IL1RAPL1: variants seen among roughly 807,000 people sequenced by gnomAD.
IL1RAPL1 encodes the protein interleukin 1 receptor accessory protein like 1, also known as interleukin-1 receptor accessory protein-like 1.
Under a neutral mutation model 48.4 loss-of-function variants are expected in IL1RAPL1, and 3 were observed. The observed-to-expected ratio is 0.06, with a 90% CI of 0.03 to 0.16. IL1RAPL1 has a LOEUF of 0.16. Among genes scored for constraint, IL1RAPL1 ranks in the 10% least tolerant of loss-of-function variants. IL1RAPL1 has a pLI of 1.00. For synonymous variants in IL1RAPL1, 185 were observed against 187.7 expected (o/e 0.99, Z 0.12); for missense variants, 349 against 530.6 (o/e 0.66, Z 3.36).
At chrX:29,602,032 G>A (rs1923736415) in intron 5 of IL1RAPL1, among the ~76,000 whole-genome samples, 1 of 111,682 alleles carries the variant, frequency 9.0e-6, no homozygotes, top group Middle Eastern at 4.6e-3. Flanking sequence ...TGCCCAGTCT[G>A]GAGTGCAGTG....
intron 2 of IL1RAPL1, among the ~76,000 whole-genome samples, chrX:29,269,450 A>T (rs943855861): frequency 2.7e-5 from 3 of 111,293 alleles, no homozygotes; most frequent in Non-Finnish European, 5.7e-5. Flanking sequence ...CACACCCATA[A>T]GCTGCACTCT....
chrX:29,953,139 T>C (rs1933349825), intron 9 of IL1RAPL1, among the ~76,000 whole-genome samples: 1 of 112,044 alleles, frequency 8.9e-6, no homozygotes, highest in Admixed American at 9.5e-5. Context: ...TTAAGTTCTA[T>C]GCTTAATGCA....
chrX:28,840,267 A>G (rs1017578985), intron 2 of IL1RAPL1, among the ~76,000 whole-genome samples: 1 of 111,383 alleles, frequency 9.0e-6, no homozygotes, highest in African/African-American at 3.2e-5. Context: ...TAGTACATGA[A>G]CAAAATCAGA....
At chrX:29,556,681 A>G (rs1922012917) in intron 5 of IL1RAPL1, among the ~76,000 whole-genome samples, 1 of 111,008 alleles carries the variant, frequency 9.0e-6, no homozygotes, top group African/African-American at 3.3e-5. Context: ...ATAGTTTAAG[A>G]TCAAAGTTGA....
chrX:29,303,758 GTCAA>G lies in IL1RAPL1; in HGVS notation c.362+20546_362+20549del, dbSNP rs749408231. ...TATTATTAATGAATGAGTAAATCTA[GTCAA>G]TCAAAGACCTTTCATTTTTCCCACA... On this transcript the variant is annotated intron_variant, in intron 3 of 10. Coordinates refer to ENST00000378993, the MANE Select transcript of IL1RAPL1 (RefSeq NM_014271.4). Among the ~76,000 whole-genome samples the G allele has an allele frequency of 7.1e-5, 8 of 111,898 alleles. No homozygotes were observed. The East Asian group carries it at 2.2e-3, about 31-fold the overall frequency.
At chrX:28,658,304 G>A (rs943184349) in intron 1 of IL1RAPL1, among the ~76,000 whole-genome samples, 4 of 110,312 alleles carry the variant, frequency 3.6e-5, no homozygotes, top group Admixed American at 9.7e-5. Context: ...TGCAACCTTC[G>A]CCTCCTGGGT....
chrX:29,094,771 CAAAAAAAAAAAA>C (rs1163805144), intron 2 of IL1RAPL1, among the ~76,000 whole-genome samples: 3 of 5,907 alleles, frequency 5.1e-4, no homozygotes, highest in Admixed American at 4.7e-3. Flanking sequence ...AACTCCATCT[CAAAAAAAAAAAA>C]AAAAAAAAAA....
At chrX:29,488,699 A>G (rs1384915812) in intron 5 of IL1RAPL1, among the ~76,000 whole-genome samples, 1 of 111,026 alleles carries the variant, frequency 9.0e-6, no homozygotes, top group East Asian at 2.8e-4. Context: ...GTGCATATAT[A>G]ACTATGAGAG....
intron 5 of IL1RAPL1, among the ~76,000 whole-genome samples, chrX:29,625,630 A>G (rs1924596150): frequency 8.9e-6 from 1 of 111,800 alleles, no homozygotes; most frequent in Admixed American, 9.5e-5. Flanking sequence ...TGTTGTTTTA[A>G]AACTCTCTCA....
chrX:29,362,716 A>G (rs1206189869), intron 3 of IL1RAPL1, among the ~76,000 whole-genome samples: 3 of 111,517 alleles, frequency 2.7e-5, no homozygotes, highest in Non-Finnish European at 5.7e-5. Context: ...TCATTATCCA[A>G]CGATAATGCA....
At chrX:29,110,576 G>A (rs1237263858) in intron 2 of IL1RAPL1, among the ~76,000 whole-genome samples, 1 of 111,750 alleles carries the variant, frequency 8.9e-6, no homozygotes, top group South Asian at 3.7e-4. Context: ...TTTCAAAGGT[G>A]CCAAATCAAG....
intron 6 of IL1RAPL1, among the ~76,000 whole-genome samples, chrX:29,816,266 A>G (rs1431828975): frequency 3.6e-5 from 4 of 111,404 alleles, no homozygotes; most frequent in Non-Finnish European, 7.6e-5. Context: ...ACAGAAATAC[A>G]AAAGATCCTC....
intron 3 of IL1RAPL1, among the ~76,000 whole-genome samples, chrX:29,341,619 G>C (rs559233340): frequency 2.7e-5 from 3 of 111,269 alleles, no homozygotes; most frequent in African/African-American, 9.8e-5. Flanking sequence ...GGAGGAAAAA[G>C]TTATTTTGGT....
chrX:29,193,812 A>G (rs751640314), intron 2 of IL1RAPL1, among the ~76,000 whole-genome samples: 3 of 112,070 alleles, frequency 2.7e-5, no homozygotes, highest in African/African-American at 9.7e-5. Flanking sequence ...TACTATATGT[A>G]GATTGTACCA....
rs183099102 is a variant in IL1RAPL1 at position 29,476,306 on chromosome X, C to T, written c.703+76998C>T. Among the ~76,000 whole-genome samples the T allele has an allele frequency of 4.5e-3, 500 of 111,789 alleles. 3 individuals are homozygous for T. The highest frequency in any genetic ancestry group is 0.016 in the African/African-American group (485 of 30,792). ...CATAATAAAGGCAAAAACAATATGT[C>T]GGTTAGAAATTTCAAGTATAAGTGA... On this transcript the variant is annotated intron_variant, in intron 5 of 10. Transcript: ENST00000378993.
At chrX:28,769,017 A>G (rs1388661886) in intron 1 of IL1RAPL1, among the ~76,000 whole-genome samples, 1 of 107,779 alleles carries the variant, frequency 9.3e-6, no homozygotes, top group Non-Finnish European at 1.9e-5. Context: ...GTTAAAACAA[A>G]TCAGCAGTCT....
intron 1 of IL1RAPL1, among the ~76,000 whole-genome samples, chrX:28,616,308 G>A (rs780586752): frequency 7.1e-5 from 8 of 112,373 alleles, no homozygotes; most frequent in Middle Eastern, 4.7e-3. Flanking sequence ...TTTCTGGTAC[G>A]TGCTTAGAAA....
chrX:29,919,809 C>T (rs936318591), intron 7 of IL1RAPL1, 140 bp from the exon 8 acceptor site: 29 of 584,085 alleles, frequency 5.0e-5, no homozygotes, highest in Non-Finnish European at 8.2e-5. Context: ...ACTTAATTAA[C>T]ACAGCATCAA....
At chrX:29,802,787 G>GTATATA (rs1278232304) in intron 6 of IL1RAPL1, among the ~76,000 whole-genome samples, 4 of 25,540 alleles carry the variant, frequency 1.6e-4, no homozygotes, top group Non-Finnish European at 2.2e-4. Flanking sequence ...ATATATGTGT[G>GTATATA]TGTGTATATA....
Sources: gnomAD v4.1 joint callset for allele counts (sites outside exome capture counted in the v4.1 genomes callset) on GRCh38, gnomAD v4.1.1 for gene constraint, MANE v1.5 for transcripts, NCBI Gene and HGNC (gene_info 2026-07-23, HGNC 2026-07-21) for gene names.